The following PTCSC3 variants were observed in gnomAD, a reference collection of about 807,000 sequenced individuals.
PTCSC3 encodes papillary thyroid carcinoma susceptibility candidate 3.
chr14:36,166,648 G>A (rs377474737), intron 1 of PTCSC3, among the ~76,000 whole-genome samples: 1 of 152,008 alleles, frequency 6.6e-6, no homozygotes, highest in Non-Finnish European at 1.5e-5. Flanking sequence ...ATCTCTCTGT[G>A]GTTGCTAGGG....
At chr14:36,160,898 A>T (rs532039169) in intron 2 of PTCSC3, among the ~76,000 whole-genome samples, 1 of 151,530 alleles carries the variant, frequency 6.6e-6, no homozygotes, top group South Asian at 2.1e-4. Flanking sequence ...ATAGTCCCAT[A>T]TTTCTTGGAG....
chr14:36,165,442 T>A (rs1882067078), intron 1 of PTCSC3, among the ~76,000 whole-genome samples: 1 of 152,090 alleles, frequency 6.6e-6, no homozygotes, highest in Non-Finnish European at 1.5e-5. Flanking sequence ...TCTGTTTCTC[T>A]ATGAGATTAT....
chr14:36,147,138 G>A (rs1881594519), intron 3 of PTCSC3, among the ~76,000 whole-genome samples: 1 of 152,086 alleles, frequency 6.6e-6, no homozygotes, highest in Non-Finnish European at 1.5e-5. Context: ...ACAATTATGT[G>A]TCTTGGAGTT....
chr14:36,135,917 A>G (rs182759685), downstream of PTCSC3, among the ~76,000 whole-genome samples: 2,590 of 145,998 alleles, frequency 0.018, 36 homozygotes, highest in South Asian at 0.034. Flanking sequence ...GTGTGTGTGT[A>G]TATGTGTGTG....
intron 3 of PTCSC3, among the ~76,000 whole-genome samples, chr14:36,152,141 T>C (rs1300671440): frequency 2.6e-5 from 4 of 152,066 alleles, no homozygotes; most frequent in Non-Finnish European, 4.4e-5. Context: ...GATATAAATA[T>C]AAAAGGTAAA....
intron 3 of PTCSC3, among the ~76,000 whole-genome samples, chr14:36,137,652 A>T (rs1454153251): frequency 6.6e-6 from 1 of 152,172 alleles, no homozygotes; most frequent in Non-Finnish European, 1.5e-5. Flanking sequence ...TTCTGTGAGA[A>T]AAAGAGAGGA....
At chr14:36,165,788 A>C (rs1430859507) in intron 1 of PTCSC3, among the ~76,000 whole-genome samples, 1 of 151,240 alleles carries the variant, frequency 6.6e-6, no homozygotes, top group African/African-American at 2.4e-5. Flanking sequence ...ACGATAATGA[A>C]ACTAATGATT....
chr14:36,145,398 T>A (rs1881537283), intron 3 of PTCSC3, among the ~76,000 whole-genome samples: 1 of 150,892 alleles, frequency 6.6e-6, no homozygotes, highest in African/African-American at 2.4e-5. Context: ...GGAGAGTGTA[T>A]GTGTTGAGGA....
intron 3 of PTCSC3, among the ~76,000 whole-genome samples, chr14:36,151,595 A>G (rs1408110755): frequency 6.6e-6 from 1 of 152,132 alleles, no homozygotes; most frequent in Admixed American, 6.5e-5. Context: ...TGTGATTAAA[A>G]TATCTCTCTC....
chr14:36,137,257 G>A (rs1287162133), intron 3 of PTCSC3, among the ~76,000 whole-genome samples: 1 of 150,316 alleles, frequency 6.7e-6, no homozygotes, highest in Non-Finnish European at 1.5e-5. Flanking sequence ...ACATATTTTA[G>A]GTACAACAAC....
At chr14:36,148,152 A>G (rs1396250308) in intron 3 of PTCSC3, among the ~76,000 whole-genome samples, 1 of 151,976 alleles carries the variant, frequency 6.6e-6, no homozygotes, top group East Asian at 1.9e-4. Context: ...TGGAGCCTAC[A>G]GAGGCAGGCA....
intron 2 of PTCSC3, among the ~76,000 whole-genome samples, chr14:36,154,788 T>G (rs1881794486): frequency 6.6e-6 from 1 of 152,164 alleles, no homozygotes; most frequent in Non-Finnish European, 1.5e-5. Flanking sequence ...ATGTTAGGAT[T>G]GGGTTCCCTT....
At position 36,148,721 on chromosome 14, in the gene PTCSC3, T is replaced by G. The variant is rs138964077; in HGVS notation, n.322+5083A>C. On this transcript the variant is annotated intron_variant and non_coding_transcript_variant, in intron 3 of 3. Coordinates refer to ENST00000556013, the Ensembl canonical transcript of PTCSC3. Reference sequence around the variant, plus strand: ...AATTTCTTTAATAGATTCAGGCCTATTCAGATGGTCTATTTCTCCTTGTAT... The same window carrying G: ...AATTTCTTTAATAGATTCAGGCCTAGTCAGATGGTCTATTTCTCCTTGTAT... Among the ~76,000 whole-genome samples, 270 of 152,320 alleles carry G rather than the reference T, an allele frequency of 1.8e-3. 3 individuals carry two copies. Among genetic ancestry groups the G allele is most frequent in the African/African-American group, 6.1e-3 (253 of 41,574 alleles).
At chr14:36,166,516 A>G (rs1226904177) in intron 1 of PTCSC3, among the ~76,000 whole-genome samples, 1 of 152,178 alleles carries the variant, frequency 6.6e-6, no homozygotes, top group Non-Finnish European at 1.5e-5. Context: ...CCAGACTGAA[A>G]CATATACATA....
intron 3 of PTCSC3, among the ~76,000 whole-genome samples, chr14:36,151,583 T>C (rs2139097897): frequency 6.6e-6 from 1 of 152,302 alleles, no homozygotes; most frequent in East Asian, 1.9e-4. Flanking sequence ...CTTATATTAT[T>C]TTGTGATTAA....
intron 1 of PTCSC3, among the ~76,000 whole-genome samples, chr14:36,165,659 T>C (rs1882071425): frequency 1.3e-5 from 2 of 152,092 alleles, no homozygotes; most frequent in Admixed American, 1.3e-4. Context: ...AACTCAACTG[T>C]AGTTTCAGCT....
At chr14:36,138,629 C>T (rs1881342003) in intron 3 of PTCSC3, among the ~76,000 whole-genome samples, 2 of 152,152 alleles carry the variant, frequency 1.3e-5, no homozygotes, top group East Asian at 1.9e-4. Context: ...TAAACTACCA[C>T]TACATACCCA....
chr14:36,167,160 A>G (rs1198469307), intron 1 of PTCSC3, among the ~76,000 whole-genome samples: 1 of 152,164 alleles, frequency 6.6e-6, no homozygotes, highest in Non-Finnish European at 1.5e-5. Context: ...GTGAGTGCAA[A>G]CTTATTTCAG....
At chr14:36,135,891 A>T (rs565068845), downstream of PTCSC3, among the ~76,000 whole-genome samples, 1 of 145,570 alleles carries the variant, frequency 6.9e-6, no homozygotes. Context: ...GTGTGTGTGT[A>T]TATATATATG....
Sources: gnomAD v4.1 joint callset for allele counts (sites outside exome capture counted in the v4.1 genomes callset) on GRCh38, gnomAD v4.1.1 for gene constraint, MANE v1.5 for transcripts, NCBI Gene and HGNC (gene_info 2026-07-23, HGNC 2026-07-21) for gene names.